LAPTM4B: variants seen among roughly 807,000 people sequenced by gnomAD.
LAPTM4B encodes lysosomal protein transmembrane 4 beta, also known as lysosomal-associated transmembrane protein 4B.
A neutral mutation model predicts 28.5 loss-of-function variants in LAPTM4B; 26 were observed. The observed-to-expected ratio is 0.91, with a 90% CI of 0.67 to 1.27. LAPTM4B has a LOEUF of 1.27. Ranked by LOEUF, LAPTM4B falls within the 50% of genes most tolerant of loss-of-function variation. The probability of loss-of-function intolerance (pLI) is 0.00; values close to 1 mark genes in which losing one functional copy is unlikely to be tolerated. For missense variants in LAPTM4B, 288 were observed against 285.8 expected (o/e 1.01, Z -0.06); for synonymous variants, 109 against 106.4 (o/e 1.02, Z -0.15).
intron 2 of LAPTM4B, among the ~76,000 whole-genome samples, chr8:97,808,462 AT>A (rs1230475794): frequency 2.0e-5 from 2 of 100,774 alleles, no homozygotes; most frequent in African/African-American, 6.6e-5. Context: ...TTAAAATAAA[AT>A]TAAATAATCC....
At chr8:97,805,292 T>G in intron 1 of LAPTM4B, 61 bp from the exon 2 acceptor site, 4 of 951,508 alleles carry the variant, frequency 4.2e-6, no homozygotes, top group Non-Finnish European at 6.5e-6. Flanking sequence ...AATTTTCTAT[T>G]ATAAGGATTG....
chr8:97,842,029 C>G (rs981230590), intron 6 of LAPTM4B, among the ~76,000 whole-genome samples: 1 of 152,242 alleles, frequency 6.6e-6, no homozygotes, highest in South Asian at 2.1e-4. Context: ...AGCGCTTTTC[C>G]TTAGTGCAGG....
In LAPTM4B at chr8:97,834,144, G is replaced by GAAAAAAAAAAAAAA. The variant is rs554058157; in HGVS notation, c.603+8992_603+9005dup. Among the ~76,000 whole-genome samples, 83 of 75,306 alleles carry GAAAAAAAAAAAAAA rather than the reference G, an allele frequency of 1.1e-3. 10 individuals are homozygous for GAAAAAAAAAAAAAA. Among genetic ancestry groups the GAAAAAAAAAAAAAA allele is most frequent in the Middle Eastern group, 6.4e-3 (1 of 156 alleles). 49.4% of individuals were successfully genotyped at this position (75,306 alleles called of 152,430 possible). On this transcript the variant is annotated intron_variant, in intron 6 of 6. Transcript: ENST00000521545. ...ACATAGTGAGACCCCTGTCTCTACA[G>GAAAAAAAAAAAAAA]AAAAAAAAAAAAAATCCAGGTGGCA...
chr8:97,825,063 C>G lies in LAPTM4B; in HGVS notation c.513C>G (p.Tyr171Ter). The G allele has an allele frequency of 6.3e-7, 1 of 1,595,854 alleles. No individual in the cohort carries two copies. Among genetic ancestry groups the G allele is most frequent in the Non-Finnish European group, 8.6e-7 (1 of 1,164,058 alleles). Residue 171 changes from tyrosine to a stop codon, truncating the protein, a stop_gained, in exon 6 of 7, where the codon TAC becomes TAG. Coordinates refer to ENST00000521545, the MANE Select transcript of LAPTM4B (RefSeq NM_018407.6). LOFTEE classifies it high-confidence loss of function. ...FISIILTFKG[Y>*]LISCVWNCYR... Reference sequence around the variant, plus strand: ...TAATCACTCCTCATTTTCAGGGTTACTTGATTAGCTGTGTTTGGAACTGCT... The same window carrying G: ...TAATCACTCCTCATTTTCAGGGTTAGTTGATTAGCTGTGTTTGGAACTGCT...
chr8:97,798,496 A>G (rs1460464418), intron 1 of LAPTM4B, among the ~76,000 whole-genome samples: 1 of 152,128 alleles, frequency 6.6e-6, no homozygotes. Context: ...TCTTTGTTTT[A>G]TCTGTGTCCC....
intron 6 of LAPTM4B, among the ~76,000 whole-genome samples, chr8:97,836,384 T>G (rs1428357326): frequency 6.6e-6 from 1 of 152,146 alleles, no homozygotes; most frequent in Admixed American, 6.5e-5. Context: ...TTTCACCATA[T>G]TGATCAGGCT....
intron 1 of LAPTM4B, among the ~76,000 whole-genome samples, chr8:97,781,076 G>C (rs1008206608): frequency 6.6e-6 from 1 of 151,038 alleles, no homozygotes; most frequent in South Asian, 2.1e-4. Flanking sequence ...CACAACCTCC[G>C]CCTCCTGGGT....
chr8:97,776,891 G>C (rs1816228904), intron 1 of LAPTM4B, among the ~76,000 whole-genome samples: 1 of 151,800 alleles, frequency 6.6e-6, no homozygotes, highest in African/African-American at 2.4e-5. Flanking sequence ...GTCTTTTTTT[G>C]TATGAGGAGC....
intron 1 of LAPTM4B, among the ~76,000 whole-genome samples, chr8:97,789,371 G>A (rs1238458262): frequency 8.1e-6 from 1 of 123,464 alleles, no homozygotes; most frequent in Non-Finnish European, 1.9e-5. Context: ...ACCACGCCTG[G>A]CCTGTTTTTT....
intron 6 of LAPTM4B, among the ~76,000 whole-genome samples, chr8:97,829,420 T>C (rs1817144879): frequency 6.6e-6 from 1 of 152,070 alleles, no homozygotes; most frequent in Non-Finnish European, 1.5e-5. Context: ...AATGCTCCAA[T>C]TTTCTGGTTG....
chr8:97,808,960 CAGAA>C (rs1360882595), intron 2 of LAPTM4B, among the ~76,000 whole-genome samples: 2 of 149,504 alleles, frequency 1.3e-5, no homozygotes, highest in African/African-American at 4.9e-5. Flanking sequence ...GACTGCATCT[CAGAA>C]AGAAAAAGAA....
chr8:97,786,903 G>A (rs145768444), intron 1 of LAPTM4B, among the ~76,000 whole-genome samples: 52 of 152,190 alleles, frequency 3.4e-4, no homozygotes, highest in Admixed American at 1.2e-3. Flanking sequence ...ACAAAGAAAC[G>A]CAAAACTGCA....
At position 97,852,095 on chromosome 8, in the gene LAPTM4B, G is replaced by A. The variant is rs8879; in HGVS notation, c.*621G>A. On this transcript the variant is annotated 3_prime_UTR_variant, in exon 7 of 7. Coordinates refer to ENST00000521545, the MANE Select transcript of LAPTM4B (RefSeq NM_018407.6). ...CAGGCCGTGGGAGCAGTGACCATCT[G>A]CTGACTGTTCTTGTGGATCTTGTGT... 20,045 of 152,938 alleles carry A rather than the reference G, an allele frequency of 0.13. 1,453 individuals are homozygous for A. Among genetic ancestry groups the A allele is most frequent in the Non-Finnish European group, 0.2 (13,648 of 68,570 alleles). The allele number at this position is 152,938 out of a possible 1,614,324, so 9.5% of individuals were successfully genotyped here.
intron 6 of LAPTM4B, among the ~76,000 whole-genome samples, chr8:97,829,696 C>CTTTTTT (rs926939613): frequency 2.7e-5 from 4 of 147,284 alleles, no homozygotes; most frequent in African/African-American, 1.0e-4. Flanking sequence ...TTTCTTTCTT[C>CTTTTTT]TTTTTTTTTT....
At chr8:97,784,797 C>T (rs1038054469) in intron 1 of LAPTM4B, among the ~76,000 whole-genome samples, 6 of 152,068 alleles carry the variant, frequency 3.9e-5, no homozygotes, top group African/African-American at 1.2e-4. Context: ...GCTGGAAAAC[C>T]AGGCAGTATG....
chr8:97,832,988 G>A (rs192248232), intron 6 of LAPTM4B, among the ~76,000 whole-genome samples: 1 of 151,002 alleles, frequency 6.6e-6, no homozygotes, highest in East Asian at 2.0e-4. Flanking sequence ...TTACAGGTGT[G>A]AGCCACCGCT....
At chr8:97,821,960 G>T (rs2129806184) in intron 5 of LAPTM4B, among the ~76,000 whole-genome samples, 1 of 152,242 alleles carries the variant, frequency 6.6e-6, no homozygotes, top group Non-Finnish European at 1.5e-5. Flanking sequence ...GAAAGAAAAT[G>T]AATTGAGTCT....
At chr8:97,807,711 C>A (rs756477532) in intron 2 of LAPTM4B, among the ~76,000 whole-genome samples, 1 of 152,026 alleles carries the variant, frequency 6.6e-6, no homozygotes, top group South Asian at 2.1e-4. Flanking sequence ...GGGCCCAGAA[C>A]TGAGCCCTGA....
chr8:97,826,545 T>C (rs1202749337), intron 6 of LAPTM4B, among the ~76,000 whole-genome samples: 1 of 152,084 alleles, frequency 6.6e-6, no homozygotes, highest in Non-Finnish European at 1.5e-5. Flanking sequence ...ACTTTTTTTG[T>C]TCGCCCAGGC....
Sources: allele counts gnomAD v4.1 joint callset (sites outside exome capture counted in the v4.1 genomes callset), GRCh38; gene constraint gnomAD v4.1.1; transcripts MANE v1.5; gene names NCBI Gene and HGNC (gene_info 2026-07-23, HGNC 2026-07-21).